The following IARS1 variants were observed in gnomAD, a reference collection of about 807,000 sequenced individuals.
IARS1 encodes isoleucyl-tRNA synthetase 1.
A neutral mutation model predicts 168.2 loss-of-function variants in IARS1; 124 were observed. The ratio of observed to expected loss-of-function variants is 0.74; its 90% confidence interval spans 0.64 to 0.86. The LOEUF (loss-of-function observed/expected upper bound fraction) is 0.86. Ranked by LOEUF, IARS1 falls within the 40% of genes least tolerant of loss-of-function variation. The probability of loss-of-function intolerance (pLI) is 0.00; values close to 1 mark genes in which losing one functional copy is unlikely to be tolerated. For missense variants in IARS1, 1,452 were observed against 1,515.8 expected (o/e 0.96, Z 0.70); for synonymous variants, 532 against 529.4 (o/e 1.00, Z -0.07).
chr9:92,225,101 T>C (rs1022893509), intron 31 of IARS1, among the ~76,000 whole-genome samples: 8 of 152,242 alleles, frequency 5.3e-5, no homozygotes, highest in African/African-American at 1.9e-4. Flanking sequence ...GCCAGACTCC[T>C]GATGGCAGCT....
Position 92,286,407 on chromosome 9 carries a change from T to C in IARS1, c.479+129A>G, listed in dbSNP as rs555342630. 1.3e-5 allele frequency: 8 copies of C among 601,280 alleles called. No individual in the cohort carries two copies. The African/African-American group carries it at 1.5e-4, about 11-fold the overall frequency. The allele number at this position is 601,280 out of a possible 1,614,324, so 37.2% of individuals were successfully genotyped here. On this transcript the variant is annotated intron_variant, in intron 5 of 33. Transcript: ENST00000443024. ...AAAGTTCTACATTCAAAAACAAACC[T>C]GTTCCCAAAGATTTTCAGAGAAATA...
chr9:92,253,377 G>A lies in IARS1; in HGVS notation c.2214C>T (p.Asn738=). 1.2e-6 allele frequency: 2 copies of A among 1,611,828 alleles called. No individual in the cohort carries two copies. Among genetic ancestry groups the A allele is most frequent in the South Asian group, 1.1e-5 (1 of 91,020 alleles). ...CTGCACTTACCTTTAATCTTCTGCG[G>A]TTCATTCTAACATACCAATTGGTCA... ...DILTNWYVRM[N]RRRLKGENGM... The change falls in exon 21 of 34, where the codon AAC becomes AAT. Residue 738 remains asparagine, a synonymous_variant. Coordinates refer to ENST00000443024, the MANE Select transcript of IARS1 (RefSeq NM_002161.6).
At chr9:92,273,275 A>T (rs1055263223) in intron 10 of IARS1, among the ~76,000 whole-genome samples, 9 of 152,214 alleles carry the variant, frequency 5.9e-5, no homozygotes, top group Non-Finnish European at 1.2e-4. Flanking sequence ...TAAAACTCTT[A>T]AGTAGTATTA....
At chr9:92,292,246 C>T (rs1195948765) in intron 1 of IARS1, among the ~76,000 whole-genome samples, 1 of 149,550 alleles carries the variant, frequency 6.7e-6, no homozygotes, top group African/African-American at 2.5e-5. Flanking sequence ...GCCATGTTGC[C>T]CTGGCTGGTC....
Position 92,265,034 on chromosome 9 carries a change from C to G in IARS1, c.1595G>C (p.Ser532Thr). 6.2e-7 allele frequency: 1 copy of G among 1,614,138 alleles called. No individual in the cohort carries two copies. Among genetic ancestry groups the G allele is most frequent in the Non-Finnish European group, 8.5e-7 (1 of 1,180,004 alleles). ...EVFDCWFESG[S>T]MPYAQVHYPF... Reference sequence around the variant, plus strand: ...GTAATGAACCTGAGCATAGGGCATGCTGCCACTCTCAAACCAACAGTCAAA... The same window carrying G: ...GTAATGAACCTGAGCATAGGGCATGGTGCCACTCTCAAACCAACAGTCAAA... The change falls in exon 16 of 34, where the codon AGC becomes ACC. Residue 532 changes from serine (S) to threonine (T), a missense_variant. Coordinates refer to ENST00000443024, the MANE Select transcript of IARS1 (RefSeq NM_002161.6).
intron 33 of IARS1, 56 bp from the exon 34 acceptor site, chr9:92,210,945 A>T: frequency 8.7e-7 from 1 of 1,144,314 alleles, no homozygotes; most frequent in Non-Finnish European, 1.3e-6. Flanking sequence ...TTGGGGGTGA[A>T]TATTTAAAAA....
intron 20 of IARS1, 90 bp downstream of exon 20, chr9:92,256,590 T>C (rs1830754979): frequency 1.6e-6 from 2 of 1,236,064 alleles, no homozygotes; most frequent in Admixed American, 4.4e-5. Flanking sequence ...ATTTTCTGTA[T>C]CTCTCAATAT....
intron 27 of IARS1, 195 bp from the exon 28 acceptor site, chr9:92,243,506 G>A (rs1828749982): frequency 2.1e-6 from 1 of 479,020 alleles, no homozygotes; most frequent in African/African-American, 2.0e-5. Context: ...TCTGTCTCTG[G>A]AGAAAGGTGT....
rs1831742589 is a variant in IARS1, at chr9:92,262,965, C to G, written c.1787+4G>C. ...CACCCGTCACTACAACAAAGTTGAC[C>G]TACCTTGCCAGGACAAGCCCATTCA... On this transcript the variant is annotated splice_donor_region_variant and intron_variant, in intron 17 of 33. Coordinates refer to ENST00000443024, the MANE Select transcript of IARS1 (RefSeq NM_002161.6). The G allele has an allele frequency of 2.5e-6, 4 of 1,611,638 alleles. No individual in the cohort carries two copies. Among genetic ancestry groups the G allele is most frequent in the Non-Finnish European group, 2.5e-6 (3 of 1,177,842 alleles).
rs772046234 is a variant in IARS1 at position 92,240,947 on chromosome 9, T to C, written c.3192A>G (p.Glu1064=). The C allele has an allele frequency of 1.6e-5, 25 of 1,608,324 alleles. No individual in the cohort carries two copies. The highest frequency in any genetic ancestry group is 2.1e-5 in the Non-Finnish European group (25 of 1,175,036). ...ATCCTCTGGTGAGTGTAATTTCCAGTTCAGATCCCTTCAACTGAGCACATG... is the reference window on the plus strand; with the variant it reads ...ATCCTCTGGTGAGTGTAATTTCCAGCTCAGATCCCTTCAACTGAGCACATG... ...IQEKTQLKGS[E]LEITLTRGSS... Residue 1064 remains glutamate, a synonymous_variant, in exon 30 of 34, where the codon GAA becomes GAG. Transcript: ENST00000443024.
intron 30 of IARS1, among the ~76,000 whole-genome samples, chr9:92,230,539 C>A (rs150736325): frequency 4.6e-5 from 7 of 152,266 alleles, no homozygotes; most frequent in Non-Finnish European, 1.0e-4. Context: ...TGAAGAATAT[C>A]TGGGTCATCT....
At chr9:92,232,833 G>A (rs1373717223) in intron 30 of IARS1, among the ~76,000 whole-genome samples, 1 of 152,106 alleles carries the variant, frequency 6.6e-6, no homozygotes, top group Non-Finnish European at 1.5e-5. Context: ...AACTGCTCAG[G>A]TCTTTTTATA....
rs773537922 is a variant in IARS1, at chr9:92,277,904, T to G, written c.853A>C (p.Lys285Gln). The change falls in exon 9 of 34, where the codon AAA (lysine) becomes CAA (glutamine). Residue 285 changes from lysine (K) to glutamine (Q), a missense_variant. Coordinates refer to ENST00000443024, the MANE Select transcript of IARS1 (RefSeq NM_002161.6). ...AACAGGGGCCTGTACTTCTTGCCTT[T>G]AAGATAGGCACCAGGAAATCTAGAA... ...ILERFPGAYL[K>Q]GKKYRPLFDY... The G allele has an allele frequency of 1.9e-6, 3 of 1,613,898 alleles. No individual in the cohort carries two copies. The Admixed American group carries it at 5.0e-5, about 27-fold the overall frequency.
intron 30 of IARS1, among the ~76,000 whole-genome samples, chr9:92,229,741 TAC>T (rs1455998436): frequency 6.6e-6 from 1 of 152,208 alleles, no homozygotes; most frequent in East Asian, 1.9e-4. Context: ...TTTACAAAAC[TAC>T]AGTGTATACC....
intron 31 of IARS1, among the ~76,000 whole-genome samples, chr9:92,227,535 G>A (rs1179239540): frequency 4.0e-5 from 6 of 148,686 alleles, no homozygotes; most frequent in South Asian, 2.2e-4. Context: ...CTCACCTCCC[G>A]GACGGGGCGG....
At chr9:92,214,958 C>A (rs1321534019) in intron 33 of IARS1, among the ~76,000 whole-genome samples, 2 of 152,234 alleles carry the variant, frequency 1.3e-5, no homozygotes, top group Non-Finnish European at 2.9e-5. Flanking sequence ...TAGGCTCCAC[C>A]TCTGGGGGCA....
At chr9:92,244,657 T>C (rs1828919900) in intron 27 of IARS1, among the ~76,000 whole-genome samples, 1 of 152,218 alleles carries the variant, frequency 6.6e-6, no homozygotes, top group Non-Finnish European at 1.5e-5. Context: ...AAGAACTGGC[T>C]TAATTTCAGG....
Position 92,256,782 on chromosome 9 carries a change from G to T in IARS1, c.2035C>A (p.Leu679Ile), listed in dbSNP as rs569119560. The change falls in exon 20 of 34, where the codon CTC becomes ATC. Residue 679 changes from leucine to isoleucine, a missense_variant. Leu to Ile is a conservative substitution (Grantham distance 5, BLOSUM62 2). Coordinates refer to ENST00000443024, the MANE Select transcript of IARS1 (RefSeq NM_002161.6). ...RLQKEEEIEF[L>I]YNENTVRESP... ...TCTCTAACCGTGTTCTCATTGTAGA[G>T]AAATTCTATTTCTTCCTCCTAGGAA... The T allele has an allele frequency of 2.4e-4, 390 of 1,613,134 alleles. 7 individuals carry two copies. In the South Asian group the frequency reaches 4.1e-3, roughly 17 times the overall value.
intron 6 of IARS1, 58 bp downstream of exon 6, chr9:92,285,664 C>T: frequency 1.9e-6 from 2 of 1,052,068 alleles, no homozygotes; most frequent in South Asian, 2.6e-5. Context: ...GTGATCATAA[C>T]TACTCAGCTT....
Sources: allele counts gnomAD v4.1 joint callset (sites outside exome capture counted in the v4.1 genomes callset), GRCh38; gene constraint gnomAD v4.1.1; transcripts MANE v1.5; gene names NCBI Gene and HGNC (gene_info 2026-07-23, HGNC 2026-07-21).